GARRE1: variants seen among roughly 807,000 people sequenced by gnomAD.
GARRE1 encodes the protein granule associated Rac and RHOG effector protein 1.
GARRE1 carries 49 observed loss-of-function variants against 103.2 expected under a neutral mutation model. The observed-to-expected ratio is 0.47, with a 90% confidence interval of 0.38 to 0.60. GARRE1 has a LOEUF of 0.60. Ranked by LOEUF, GARRE1 falls within the 20% of genes least tolerant of loss-of-function variation. The probability of loss-of-function intolerance (pLI) is 0.00; values close to 1 mark genes in which losing one functional copy is unlikely to be tolerated. For missense variants in GARRE1, 1,199 were observed against 1,370.5 expected (o/e 0.87, Z 1.98); for synonymous variants, 505 against 532.8 (o/e 0.95, Z 0.72).
rs553320302 is a variant in GARRE1, at chr19:34,308,335, C to T, written c.495+7367C>T. 7.4e-5 allele frequency among the ~76,000 whole-genome samples: 10 copies of T among 135,936 alleles called. No individual in the cohort carries two copies. The South Asian group carries it at 2.1e-3, about 28-fold the overall frequency. 89.2% of individuals were successfully genotyped at this position (135,936 alleles called of 152,430 possible). A position where few individuals can be genotyped will look rare whatever the true frequency, so the allele number is the denominator to read the frequency against. On this transcript the variant is annotated intron_variant, in intron 2 of 13. Transcript: ENST00000299505. Reference sequence around the variant, plus strand: ...GTAACAGATTATGGAGTAAATATTTCCTAATGGTATGTGCCAGATGAAAGT... The same window carrying T: ...GTAACAGATTATGGAGTAAATATTTTCTAATGGTATGTGCCAGATGAAAGT...
At position 34,300,252 on chromosome 19, in the gene GARRE1, TA is replaced by T. The variant is rs1417968333; in HGVS notation, c.-221del. 9.6e-5 allele frequency: 42 copies of T among 435,748 alleles called. No homozygotes were observed. In the East Asian group the frequency reaches 1.3e-3, roughly 14 times the overall value. 27.0% of individuals were successfully genotyped at this position (435,748 alleles called of 1,614,324 possible). On this transcript the variant is annotated 5_prime_UTR_variant, in exon 2 of 14. The change abolishes the stop of an existing upstream ORF in the 5' untranslated region. Coordinates refer to ENST00000299505, the MANE Select transcript of GARRE1 (RefSeq NM_014686.5). ...CTTATCCAGCATTTTGGACATCTTT[TA>T]TTTTTTGTCAGAGATCCTGTCTACA... is the stretch of plus-strand genomic sequence containing the variant.
At chr19:34,270,719 T>C (rs1387553551) in intron 1 of GARRE1, among the ~76,000 whole-genome samples, 3 of 152,246 alleles carry the variant, frequency 2.0e-5, no homozygotes, top group South Asian at 2.1e-4. Flanking sequence ...GGACCCGTTA[T>C]AGCTTAATTT....
chr19:34,319,228 A>C (rs1190385925), intron 2 of GARRE1, among the ~76,000 whole-genome samples: 5 of 152,198 alleles, frequency 3.3e-5, no homozygotes, highest in African/African-American at 1.2e-4. Flanking sequence ...TCATGTGTAT[A>C]GTATTTTTTA....
chr19:34,278,474 C>T (rs1455549979), intron 1 of GARRE1, among the ~76,000 whole-genome samples: 2 of 149,952 alleles, frequency 1.3e-5, no homozygotes, highest in African/African-American at 4.9e-5. Flanking sequence ...AAAAGTCTTG[C>T]CTATTAAACA....
chr19:34,267,197 C>G lies in GARRE1; in HGVS notation c.-796+12583C>G, dbSNP rs371641302. 2.2e-4 allele frequency among the ~76,000 whole-genome samples: 34 copies of G among 152,166 alleles called. No individual in the cohort carries two copies. The East Asian group carries it at 6.2e-3, about 28-fold the overall frequency. ...GGGAAGTTGCCTGAGCCCGGGAGAT[C>G]AAGGCTGCAGTGAGCCGCGATCACA... On this transcript the variant is annotated intron_variant, in intron 1 of 13. Transcript: ENST00000299505.
intron 1 of GARRE1, among the ~76,000 whole-genome samples, chr19:34,292,246 C>G (rs2073922171): frequency 6.6e-6 from 1 of 152,184 alleles, no homozygotes; most frequent in Non-Finnish European, 1.5e-5. Flanking sequence ...CCTTGTCTGG[C>G]TTCTTTCACT....
intron 1 of GARRE1, among the ~76,000 whole-genome samples, chr19:34,257,652 C>T (rs1032422100): frequency 1.3e-5 from 2 of 152,162 alleles, no homozygotes; most frequent in African/African-American, 4.8e-5. Flanking sequence ...TGTAAGTTCA[C>T]AGAGAGCCTG....
chr19:34,266,622 G>T (rs1341559533), intron 1 of GARRE1, among the ~76,000 whole-genome samples: 1 of 152,184 alleles, frequency 6.6e-6, no homozygotes, highest in Admixed American at 6.5e-5. Context: ...GGAATTACAG[G>T]TGTGAGCCAT....
chr19:34,294,997 A>T (rs1184049879), intron 1 of GARRE1, among the ~76,000 whole-genome samples: 1 of 152,220 alleles, frequency 6.6e-6, no homozygotes, highest in African/African-American at 2.4e-5. Context: ...TTTTAATGAC[A>T]TAATGTGGCA....
chr19:34,320,042 G>A lies in GARRE1; in HGVS notation c.631G>A (p.Gly211Ser). ...IVPEKKNSGSGGGLSGMGHTP... is the reference protein window; with the variant it reads ...IVPEKKNSGSSGGLSGMGHTP... The stretch of plus-strand genomic sequence containing the variant: ...GCCAGAAAAAAAGAACAGCGGCAGT[G>A]GCGGCGGCTTATCTGGCATGGGCCA... Residue 211 changes from glycine to serine, a missense_variant, in exon 3 of 14, where the codon GGC becomes AGC. Gly to Ser is a moderately conservative substitution (Grantham distance 56). Transcript: ENST00000299505. The A allele has an allele frequency of 1.2e-6, 2 of 1,614,256 alleles. No homozygotes were observed. Among genetic ancestry groups the A allele is most frequent in the Non-Finnish European group, 1.7e-6 (2 of 1,180,050 alleles).
In GARRE1 at chr19:34,265,311, A is replaced by G. The variant is rs148266868; in HGVS notation, c.-796+10697A>G. Reference sequence around the variant, plus strand: ...TGGGTGCCGCAGGCTCTGGTGACCTAGGCAGGAAGAGGCGGAAGTGGTTCC... The same window carrying G: ...TGGGTGCCGCAGGCTCTGGTGACCTGGGCAGGAAGAGGCGGAAGTGGTTCC... On this transcript the variant is annotated intron_variant, in intron 1 of 13. Transcript: ENST00000299505. Among the ~76,000 whole-genome samples the G allele has an allele frequency of 2.0e-4, 30 of 152,290 alleles. 2 individuals are homozygous for G. The East Asian group carries it at 2.7e-3, about 14-fold the overall frequency.
intron 1 of GARRE1, among the ~76,000 whole-genome samples, chr19:34,291,861 C>G (rs555017496): frequency 2.6e-4 from 37 of 142,142 alleles, no homozygotes; most frequent in South Asian, 6.8e-4. Context: ...CATAAATCTA[C>G]TTTTTTTTTT....
At chr19:34,271,537 C>A (rs2073787983) in intron 1 of GARRE1, among the ~76,000 whole-genome samples, 1 of 151,922 alleles carries the variant, frequency 6.6e-6, no homozygotes, top group Non-Finnish European at 1.5e-5. Flanking sequence ...TGTGAGCCAC[C>A]ACGCCCGGCC....
At chr19:34,328,189 T>C in intron 6 of GARRE1, 38 bp downstream of exon 6, 1 of 1,601,374 alleles carries the variant, frequency 6.2e-7, no homozygotes, top group African/African-American at 1.3e-5. Context: ...GAGTGTGAAC[T>C]TGAAAATAGA....
At chr19:34,258,128 G>A (rs2073687091) in intron 1 of GARRE1, among the ~76,000 whole-genome samples, 1 of 151,968 alleles carries the variant, frequency 6.6e-6, no homozygotes, top group African/African-American at 2.4e-5. Context: ...GACCTCAAAA[G>A]TGCTGGGATT....
At chr19:34,275,393 A>G (rs1301804689) in intron 1 of GARRE1, among the ~76,000 whole-genome samples, 1 of 151,900 alleles carries the variant, frequency 6.6e-6, no homozygotes, top group Non-Finnish European at 1.5e-5. Flanking sequence ...GTCATCCCTT[A>G]TTTCCCCCAT....
chr19:34,307,919 C>T (rs2074018336), intron 2 of GARRE1, among the ~76,000 whole-genome samples: 1 of 150,480 alleles, frequency 6.6e-6, no homozygotes, highest in Non-Finnish European at 1.5e-5. Context: ...GTATCTGAGA[C>T]TGCGTAGCTG....
In GARRE1 at chr19:34,327,977, A is replaced by G; in HGVS notation, c.943-13A>G. On this transcript the variant is annotated splice_polypyrimidine_tract_variant and intron_variant, in intron 5 of 13. Transcript: ENST00000299505. ...ATGGGTCACCTCTCCTCTTCCATCC[A>G]TGCCTTTTCCAGGGCTGCTGCAGCG... 1.2e-6 allele frequency: 2 copies of G among 1,614,126 alleles called. No individual in the cohort carries two copies. The highest frequency in any genetic ancestry group is 1.3e-5 in the African/African-American group (1 of 75,024).
chr19:34,327,527 A>G lies in GARRE1; in HGVS notation c.812A>G (p.Lys271Arg), dbSNP rs1307789509. 1.9e-6 allele frequency: 3 copies of G among 1,614,000 alleles called. No homozygotes were observed. The African/African-American group carries it at 4.0e-5, about 22-fold the overall frequency. ...QSAAIPEHQL[K>R]ELNIKIDSAL... is the part of the protein sequence containing the mutation. ...GCAGCAATTCCTGAGCACCAGCTAA[A>G]AGAACTGAACATAAAAATCGACAGT... The change falls in exon 4 of 14, where the codon AAA becomes AGA. Residue 271 changes from lysine (K) to arginine (R), a missense_variant. Lys to Arg is a conservative substitution (Grantham distance 26). Coordinates refer to ENST00000299505, the MANE Select transcript of GARRE1 (RefSeq NM_014686.5).
Sources: gnomAD v4.1 joint callset for allele counts (sites outside exome capture counted in the v4.1 genomes callset) on GRCh38, gnomAD v4.1.1 for gene constraint, MANE v1.5 for transcripts, NCBI Gene and HGNC (gene_info 2026-07-23, HGNC 2026-07-21) for gene names.